Variants in ME3 observed in about 807,000 individuals in gnomAD.
The protein encoded by ME3 is malic enzyme 3, also known as NADP-dependent malic enzyme, mitochondrial.
ME3 carries 48 observed loss-of-function variants against 68.9 expected under a neutral mutation model. The ratio of observed to expected loss-of-function variants is 0.70; its 90% CI spans 0.55 to 0.89. ME3 has a LOEUF of 0.89. ME3 is among the 40% of genes least tolerant of loss of function. The pLI, the probability that ME3 is intolerant of heterozygous loss-of-function variation, is 0.00. For synonymous variants in ME3, 320 were observed against 318.8 expected, an observed-to-expected ratio of 1.00 and a Z score of -0.04; for missense variants, 675 against 797.4, an observed-to-expected ratio of 0.85 and a Z score of 1.85.
intron 2 of ME3, among the ~76,000 whole-genome samples, chr11:86,563,340 T>TATTG (rs1284272079): frequency 2.0e-5 from 3 of 152,184 alleles, no homozygotes; most frequent in Non-Finnish European, 2.9e-5. Context: ...ATCTGTTGTT[T>TATTG]ATTGACTTTT....
intron 4 of ME3, among the ~76,000 whole-genome samples, chr11:86,538,145 T>G (rs75237795): frequency 0.043 from 6,618 of 152,286 alleles, 149 homozygotes; most frequent in South Asian, 0.1. Flanking sequence ...TGCTTTCTTG[T>G]GGTTGTTTGG....
At chr11:86,532,880 C>G (rs1594331170) in intron 4 of ME3, among the ~76,000 whole-genome samples, 1 of 152,054 alleles carries the variant, frequency 6.6e-6, no homozygotes, top group Non-Finnish European at 1.5e-5. Context: ...GCCAACATGG[C>G]AAAACCCCGT....
chr11:86,505,839 C>T (rs1201811697), intron 5 of ME3, among the ~76,000 whole-genome samples: 1 of 152,172 alleles, frequency 6.6e-6, no homozygotes, highest in Non-Finnish European at 1.5e-5. Flanking sequence ...CAGGTTTCTT[C>T]AAAGTGAGAC....
intron 2 of ME3, among the ~76,000 whole-genome samples, chr11:86,599,368 G>A (rs1262673603): frequency 6.6e-6 from 1 of 152,156 alleles, no homozygotes; most frequent in Non-Finnish European, 1.5e-5. Context: ...AAGATGAAAT[G>A]AATGAAATGA....
chr11:86,487,547 A>AG (rs1414457752), intron 6 of ME3, 107 bp from the exon 7 acceptor site: 133 of 849,414 alleles, frequency 1.6e-4, no homozygotes, highest in East Asian at 7.2e-4. Context: ...GTGGGAGGAG[A>AG]GGGGGGAGTA....
chr11:86,526,175 C>G (rs1333810922), intron 4 of ME3, among the ~76,000 whole-genome samples: 1 of 152,220 alleles, frequency 6.6e-6, no homozygotes, highest in Non-Finnish European at 1.5e-5. Context: ...CACCCTAATA[C>G]TGCGCTGTTC....
chr11:86,437,957 A>G (rs546672046), downstream of ME3, among the ~76,000 whole-genome samples: 2 of 152,168 alleles, frequency 1.3e-5, no homozygotes, highest in East Asian at 3.9e-4. Flanking sequence ...TTTCTTTCCA[A>G]TCTTGACACC....
chr11:86,470,935 A>G (rs1056106017), intron 7 of ME3, among the ~76,000 whole-genome samples: 4 of 151,930 alleles, frequency 2.6e-5, no homozygotes, highest in African/African-American at 7.2e-5. Flanking sequence ...GTTATATCCA[A>G]ATTCCTTAGG....
At chr11:86,440,909 T>C (rs1213757405), downstream of ME3, among the ~76,000 whole-genome samples, 2 of 152,190 alleles carry the variant, frequency 1.3e-5, no homozygotes, top group East Asian at 3.9e-4. Flanking sequence ...TGTTCTTTCA[T>C]GAACTTACCA....
intron 2 of ME3, among the ~76,000 whole-genome samples, chr11:86,571,919 A>G (rs1222988842): frequency 1.3e-5 from 2 of 152,264 alleles, no homozygotes; most frequent in Non-Finnish European, 2.9e-5. Context: ...TGGCCAGCCC[A>G]GCTCCTCCAA....
At chr11:86,553,046 T>G (rs1285678674) in intron 4 of ME3, among the ~76,000 whole-genome samples, 3 of 152,152 alleles carry the variant, frequency 2.0e-5, no homozygotes. Flanking sequence ...CTCTTCCAGC[T>G]CACACACTAG....
chr11:86,524,365 C>CCTAT (rs1182916770), intron 4 of ME3, among the ~76,000 whole-genome samples: 1 of 152,208 alleles, frequency 6.6e-6, no homozygotes, highest in Non-Finnish European at 1.5e-5. Context: ...AGAAAAACAT[C>CCTAT]CTATCTGCTT....
chr11:86,450,761 T>TA (rs1421252459), intron 8 of ME3, among the ~76,000 whole-genome samples: 1 of 152,026 alleles, frequency 6.6e-6, no homozygotes, highest in Non-Finnish European at 1.5e-5. Flanking sequence ...TAAAAACATT[T>TA]AAAAAAATGA....
intron 4 of ME3, among the ~76,000 whole-genome samples, chr11:86,549,949 C>A (rs556131140): frequency 2.0e-5 from 3 of 152,200 alleles, no homozygotes; most frequent in African/African-American, 7.2e-5. Context: ...TTGGGATGGG[C>A]TGGAAAATAC....
chr11:86,613,547 C>G (rs372647048), intron 2 of ME3, among the ~76,000 whole-genome samples: 1 of 152,218 alleles, frequency 6.6e-6, no homozygotes, highest in African/African-American at 2.4e-5. Context: ...CTGCAGATGA[C>G]ATGATTTTAT....
chr11:86,475,484 T>A (rs985110924), intron 7 of ME3, among the ~76,000 whole-genome samples: 1 of 152,164 alleles, frequency 6.6e-6, no homozygotes, highest in African/African-American at 2.4e-5. Flanking sequence ...TATTTCTTTA[T>A]AACAATGTGA....
chr11:86,504,181 C>G (rs986502880), intron 5 of ME3, among the ~76,000 whole-genome samples: 6 of 152,100 alleles, frequency 3.9e-5, no homozygotes, highest in Non-Finnish European at 8.8e-5. Flanking sequence ...CTCTGAACCA[C>G]TCCTCTTTCT....
intron 2 of ME3, among the ~76,000 whole-genome samples, chr11:86,587,492 G>A (rs1958807973): frequency 6.6e-6 from 1 of 152,198 alleles, no homozygotes; most frequent in African/African-American, 2.4e-5. Flanking sequence ...GTGCTCACAT[G>A]GTTGCTGTGA....
At chr11:86,563,988 C>T (rs975125400) in intron 2 of ME3, among the ~76,000 whole-genome samples, 3 of 152,094 alleles carry the variant, frequency 2.0e-5, no homozygotes, top group Non-Finnish European at 4.4e-5. Flanking sequence ...TGAAGAATGA[C>T]CTTGGTAGCT....
Sources: gnomAD v4.1 joint callset for allele counts (sites outside exome capture counted in the v4.1 genomes callset) on GRCh38, gnomAD v4.1.1 for gene constraint, MANE v1.5 for transcripts, NCBI Gene and HGNC (gene_info 2026-07-23, HGNC 2026-07-21) for gene names.